Variants in CDH6 observed in about 807,000 individuals in gnomAD.
CDH6 encodes cadherin-6.
A neutral mutation model predicts 78.0 loss-of-function variants in CDH6; 31 were observed. The ratio of observed to expected loss-of-function variants is 0.40; its 90% CI spans 0.30 to 0.54. The LOEUF is 0.54. Ranked by LOEUF, CDH6 falls within the 20% of genes least tolerant of loss-of-function variation. The pLI, the probability that CDH6 is intolerant of heterozygous loss-of-function variation, is 0.56. For synonymous variants in CDH6, 376 were observed against 368.8 expected (o/e 1.02, Z -0.23); for missense variants, 724 against 975.9 (o/e 0.74, Z 3.44).
At chr5:31,309,908 TG>T (rs1738095689) in intron 7 of CDH6, among the ~76,000 whole-genome samples, 1 of 152,220 alleles carries the variant, frequency 6.6e-6, no homozygotes, top group Non-Finnish European at 1.5e-5. Flanking sequence ...GTGCCTCCTC[TG>T]ACACATGGGG....
At chr5:31,302,800 GA>G (rs1303955572) in intron 6 of CDH6, among the ~76,000 whole-genome samples, 1 of 59,752 alleles carries the variant, frequency 1.7e-5, no homozygotes, top group Admixed American at 1.7e-4. Context: ...GAGAGAGAGA[GA>G]AAGAAAGAAA....
intron 8 of CDH6, among the ~76,000 whole-genome samples, chr5:31,315,140 C>G (rs1472866806): frequency 6.6e-6 from 1 of 152,150 alleles, no homozygotes; most frequent in East Asian, 1.9e-4. Context: ...ATCAGAGAAG[C>G]AGTCCTTGGT....
chr5:31,195,938 T>C (rs1393137524), intron 1 of CDH6, among the ~76,000 whole-genome samples: 1 of 152,248 alleles, frequency 6.6e-6, no homozygotes, highest in Non-Finnish European at 1.5e-5. Flanking sequence ...AATTCAGTTC[T>C]ACTGTATTTG....
At chr5:31,273,827 A>G (rs979128566) in intron 2 of CDH6, among the ~76,000 whole-genome samples, 8 of 152,204 alleles carry the variant, frequency 5.3e-5, no homozygotes, top group African/African-American at 1.9e-4. Flanking sequence ...AATTTCCAGA[A>G]CACATTAGTG....
intron 1 of CDH6, among the ~76,000 whole-genome samples, chr5:31,207,130 C>T (rs1740549692): frequency 6.6e-6 from 1 of 152,256 alleles, no homozygotes; most frequent in Non-Finnish European, 1.5e-5. Context: ...TTAATGAACA[C>T]TTTTGGGCAA....
intron 7 of CDH6, among the ~76,000 whole-genome samples, chr5:31,309,080 T>C (rs1190554885): frequency 6.6e-6 from 1 of 152,168 alleles, no homozygotes; most frequent in Non-Finnish European, 1.5e-5. Flanking sequence ...TAATAAATAT[T>C]GATTCATGAC....
intron 3 of CDH6, among the ~76,000 whole-genome samples, chr5:31,295,604 CATT>C (rs981862663): frequency 2.0e-5 from 3 of 152,082 alleles, no homozygotes; most frequent in South Asian, 2.1e-4. Context: ...ATTGATATCT[CATT>C]ATTGTGATTA....
intron 2 of CDH6, among the ~76,000 whole-genome samples, chr5:31,285,493 A>G (rs1371194515): frequency 6.6e-6 from 1 of 152,162 alleles, no homozygotes; most frequent in African/African-American, 2.4e-5. Context: ...TTTTCTGTAT[A>G]TTTTATTCCA....
intron 4 of CDH6, among the ~76,000 whole-genome samples, chr5:31,297,650 T>C (rs186913610): frequency 1.3e-5 from 2 of 152,328 alleles, no homozygotes; most frequent in East Asian, 3.9e-4. Context: ...TGCCTTAGTT[T>C]TCTTCCAGTT....
Position 31,326,350 on chromosome 5 carries a change from A to G in CDH6, c.*3042A>G, listed in dbSNP as rs1404839342. ...ATAAGCTGAATTTAAAAAAACATTA[A>G]GCCATTGTTTAAAGCCCCTTCACTT... On this transcript the variant is annotated 3_prime_UTR_variant, in exon 12 of 12. Transcript: ENST00000265071. The G allele has an allele frequency of 4.7e-6, 1 of 214,498 alleles. No homozygotes were observed. Among genetic ancestry groups the G allele is most frequent in the Non-Finnish European group, 9.4e-6 (1 of 106,248 alleles). 13.3% of individuals were successfully genotyped at this position (214,498 alleles called of 1,614,324 possible). A position where few individuals can be genotyped will look rare whatever the true frequency, so the allele number is the denominator to read the frequency against.
intron 1 of CDH6, among the ~76,000 whole-genome samples, chr5:31,238,808 T>C (rs1020633367): frequency 6.6e-6 from 1 of 152,232 alleles, no homozygotes; most frequent in East Asian, 1.9e-4. Context: ...CTGGAAAGTT[T>C]TGCCTCTTCT....
chr5:31,301,241 AT>A (rs1737755893), intron 5 of CDH6, among the ~76,000 whole-genome samples: 1 of 152,246 alleles, frequency 6.6e-6, no homozygotes, highest in African/African-American at 2.4e-5. Context: ...GAACGCCTAC[AT>A]TTTAGTAGTG....
At position 31,193,860 on chromosome 5, in the gene CDH6, T is replaced by A. The variant is rs1465931311; in HGVS notation, c.-155T>A. 1 of 152,438 alleles carries A rather than the reference T, an allele frequency of 6.6e-6. No homozygotes were observed. Among genetic ancestry groups the A allele is most frequent in the African/African-American group, 2.4e-5 (1 of 41,074 alleles). The allele number at this position is 152,438 out of a possible 1,614,324, so 9.4% of individuals were successfully genotyped here. A position where few individuals can be genotyped will look rare whatever the true frequency, so the allele number is the denominator to read the frequency against. On this transcript the variant is annotated 5_prime_UTR_variant, in exon 1 of 12. Coordinates refer to ENST00000265071, the MANE Select transcript of CDH6 (RefSeq NM_004932.4). ...AGCAGCCTGGGCGGGTCGCAGGGTCTCCGCGGGCGCAGGAAGGCGAGCAGA... is the reference window on the plus strand; with the variant it reads ...AGCAGCCTGGGCGGGTCGCAGGGTCACCGCGGGCGCAGGAAGGCGAGCAGA...
intron 4 of CDH6, among the ~76,000 whole-genome samples, chr5:31,297,762 T>C (rs768463873): frequency 6.6e-6 from 1 of 152,202 alleles, no homozygotes; most frequent in Non-Finnish European, 1.5e-5. Context: ...TGTGTCTCTC[T>C]ATTCTGCTCT....
chr5:31,281,800 G>A (rs1286881094), intron 2 of CDH6, among the ~76,000 whole-genome samples: 2 of 152,158 alleles, frequency 1.3e-5, no homozygotes, highest in Non-Finnish European at 2.9e-5. Flanking sequence ...TCAGTGTGGG[G>A]AGGGTTGCTT....
chr5:31,262,082 A>G (rs559940359), intron 1 of CDH6, among the ~76,000 whole-genome samples: 1 of 152,348 alleles, frequency 6.6e-6, no homozygotes, highest in East Asian at 1.9e-4. Flanking sequence ...AGATTTTGCT[A>G]ATCAAAAGAA....
intron 2 of CDH6, among the ~76,000 whole-genome samples, chr5:31,284,633 G>A (rs1742965594): frequency 6.6e-6 from 1 of 152,168 alleles, no homozygotes; most frequent in Non-Finnish European, 1.5e-5. Context: ...ATGTGCTAAG[G>A]GTGACAAAGA....
At chr5:31,302,965 A>AAG (rs1561066627) in intron 6 of CDH6, among the ~76,000 whole-genome samples, 135 of 42,598 alleles carry the variant, frequency 3.2e-3, no homozygotes, top group African/African-American at 5.1e-3. Context: ...GAAGGAAAGA[A>AAG]AAGAAAGAAA....
At chr5:31,242,355 G>T (rs1218302483) in intron 1 of CDH6, among the ~76,000 whole-genome samples, 1 of 152,148 alleles carries the variant, frequency 6.6e-6, no homozygotes, top group Non-Finnish European at 1.5e-5. Context: ...CCATGGGATA[G>T]TAGCCCAACC....
Sources: allele counts gnomAD v4.1 joint callset (sites outside exome capture counted in the v4.1 genomes callset), GRCh38; gene constraint gnomAD v4.1.1; transcripts MANE v1.5; gene names NCBI Gene and HGNC (gene_info 2026-07-23, HGNC 2026-07-21).